Variants in SEC24B observed in about 807,000 individuals in gnomAD.
The protein encoded by SEC24B is protein transport protein Sec24B.
SEC24B carries 45 observed loss-of-function variants against 142.8 expected under a neutral mutation model. The ratio of observed to expected loss-of-function variants is 0.32; its 90% CI spans 0.25 to 0.40. The LOEUF (loss-of-function observed/expected upper bound fraction) is 0.40, where lower values mean the gene tolerates loss of function less well. Ranked by LOEUF, SEC24B falls within the 10% of genes least tolerant of loss-of-function variation. SEC24B has a pLI of 1.00. For synonymous variants in SEC24B, 574 were observed against 568.2 expected (o/e 1.01, Z -0.15); for missense variants, 1,409 against 1,526.8 (o/e 0.92, Z 1.29).
Position 109,463,168 on chromosome 4 carries a change from T to G in SEC24B, c.401T>G (p.Phe134Cys). 1 of 1,614,198 alleles carries G rather than the reference T, an allele frequency of 6.2e-7. No homozygotes were observed. Among genetic ancestry groups the G allele is most frequent in the African/African-American group, 1.3e-5 (1 of 75,050 alleles). The stretch of plus-strand genomic sequence containing the variant: ...ATTGTGGGATCCACTCTAGGATCTT[T>G]CCAAGGTGCTGCATCGTCAGCATCC... Reference protein sequence around the residue: ...PHIVGSTLGSFQGAASSASHL... With the variant: ...PHIVGSTLGSCQGAASSASHL... Residue 134 changes from phenylalanine to cysteine, a missense_variant, in exon 2 of 24, where the codon TTC becomes TGC. By Grantham distance (205) the Phe-to-Cys change is radical. Around this residue, in one of 2 missense-constraint regions of SEC24B, gnomAD observed 709 missense variants for 673.5 expected, o/e 1.05. Transcript: ENST00000265175.
At position 109,489,817 on chromosome 4, in the gene SEC24B, A is replaced by G. The variant is rs112145374; in HGVS notation, c.1166-1510A>G. Among the ~76,000 whole-genome samples, 157 of 151,860 alleles carry G rather than the reference A, an allele frequency of 1.0e-3. 1 individual carries two copies. The highest frequency in any genetic ancestry group is 3.4e-3 in the African/African-American group (141 of 41,506). On this transcript the variant is annotated intron_variant, in intron 4 of 23. Coordinates refer to ENST00000265175, the MANE Select transcript of SEC24B (RefSeq NM_006323.5). ...TAATATCCCATTTTATAGATATACC[A>G]TATTTTGTTTATCCATTCATCTGTT...
At chr4:109,447,218 T>G (rs1729559865) in intron 1 of SEC24B, among the ~76,000 whole-genome samples, 1 of 152,198 alleles carries the variant, frequency 6.6e-6, no homozygotes, top group South Asian at 2.1e-4. Context: ...TGAAAAAAAT[T>G]TAGCATGATA....
chr4:109,464,980 GT>G (rs1478089660), intron 2 of SEC24B, among the ~76,000 whole-genome samples: 2 of 152,096 alleles, frequency 1.3e-5, no homozygotes, highest in Non-Finnish European at 2.9e-5. Context: ...CAGCATGTAG[GT>G]TATAGAAACA....
chr4:109,525,367 CAGGGTGCATCTATTATT>C lies in SEC24B; in HGVS notation c.2656_2672del (p.Gly886SerfsTer30). 6.2e-7 allele frequency: 1 copy of C among 1,603,942 alleles called. No individual in the cohort carries two copies. The highest frequency in any genetic ancestry group is 1.1e-5 in the South Asian group (1 of 88,512). ...AAAGCTTGCATGTCCAAGTATTCTG[CAGGGTGCATCTATTATT>C]ATCCATCATTCCACTATACTCACAA... is the stretch of plus-strand genomic sequence containing the variant. On this transcript the variant is annotated frameshift_variant, in exon 16 of 24. Coordinates refer to ENST00000265175, the MANE Select transcript of SEC24B (RefSeq NM_006323.5). LOFTEE classifies it high-confidence loss of function.
intron 2 of SEC24B, among the ~76,000 whole-genome samples, chr4:109,470,892 A>G (rs969572119): frequency 1.3e-5 from 2 of 152,206 alleles, no homozygotes; most frequent in Non-Finnish European, 2.9e-5. Flanking sequence ...AATAATGTCT[A>G]GAGATACTTA....
At chr4:109,475,306 A>T (rs543750255) in intron 3 of SEC24B, among the ~76,000 whole-genome samples, 16 of 152,310 alleles carry the variant, frequency 1.1e-4, no homozygotes, top group African/African-American at 3.8e-4. Context: ...GCTACCACAT[A>T]TGGTGGTGCG....
chr4:109,460,551 C>A (rs891751984), intron 1 of SEC24B, among the ~76,000 whole-genome samples: 10 of 152,052 alleles, frequency 6.6e-5, no homozygotes, highest in African/African-American at 2.4e-4. Context: ...CAAAGGACAG[C>A]AGATCATTGG....
chr4:109,540,495 G>GT lies in SEC24B; in HGVS notation c.*826dup, dbSNP rs1283876792. 2.0e-5 allele frequency: 3 copies of GT among 152,122 alleles called. No homozygotes were observed. Among genetic ancestry groups the GT allele is most frequent in the South Asian group, 4.1e-4 (2 of 4,822 alleles). The allele number at this position is 152,122 out of a possible 1,614,324, so 9.4% of individuals were successfully genotyped here. ...ATTTTTTGGGGTTTTTGTTTGATTG[G>GT]TTTTTTGTGGGGATTGGTGGGTTTT... is the stretch of plus-strand genomic sequence containing the variant. On this transcript the variant is annotated 3_prime_UTR_variant, in exon 24 of 24. Coordinates refer to ENST00000265175, the MANE Select transcript of SEC24B (RefSeq NM_006323.5).
intron 1 of SEC24B, among the ~76,000 whole-genome samples, chr4:109,456,341 T>TTG (rs1553995210): frequency 1.0e-4 from 15 of 149,764 alleles, no homozygotes; most frequent in African/African-American, 3.7e-4. Context: ...TTTGTTTTTT[T>TTG]TTTTTTTTTT....
chr4:109,498,363 C>T (rs939029516), intron 6 of SEC24B, among the ~76,000 whole-genome samples: 1 of 151,992 alleles, frequency 6.6e-6, no homozygotes, highest in African/African-American at 2.4e-5. Flanking sequence ...TAAAAGAAGC[C>T]TTTTTTTATT....
At chr4:109,490,669 ACT>A (rs1734930900) in intron 4 of SEC24B, among the ~76,000 whole-genome samples, 1 of 152,118 alleles carries the variant, frequency 6.6e-6, no homozygotes, top group Non-Finnish European at 1.5e-5. Flanking sequence ...TTGTCACTGA[ACT>A]CTCATCTTAA....
Position 109,435,884 on chromosome 4 carries a change from G to C in SEC24B, c.133+1882G>C, listed in dbSNP as rs1728366387. On this transcript the variant is annotated intron_variant, in intron 1 of 23. Transcript: ENST00000265175. ...TAGCCTTGAGGGACTCGACAGGTTGGGGTGGGAGGGAAAGGTTGACTCTAG... is the reference window on the plus strand; with the variant it reads ...TAGCCTTGAGGGACTCGACAGGTTGCGGTGGGAGGGAAAGGTTGACTCTAG... Among the ~76,000 whole-genome samples the C allele has an allele frequency of 3.9e-5, 6 of 152,272 alleles. No homozygotes were observed. The South Asian group carries it at 1.2e-3, about 32-fold the overall frequency.
Position 109,444,214 on chromosome 4 carries a change from C to CAA in SEC24B, c.133+10229_133+10230dup, listed in dbSNP as rs539104834. On this transcript the variant is annotated intron_variant, in intron 1 of 23. Coordinates refer to ENST00000265175, the MANE Select transcript of SEC24B (RefSeq NM_006323.5). ...GGGCAACAAGAGCTAAACTCCATCT[C>CAA]AAAAAAAAAAAAAAAAAAGAATAGT... 7.1e-4 allele frequency among the ~76,000 whole-genome samples: 57 copies of CAA among 80,148 alleles called. 2 individuals carry two copies. The highest frequency in any genetic ancestry group is 2.1e-3 in the African/African-American group (56 of 26,674). 52.6% of individuals were successfully genotyped at this position (80,148 alleles called of 152,430 possible).
At chr4:109,443,613 C>G (rs1467374749) in intron 1 of SEC24B, among the ~76,000 whole-genome samples, 1 of 152,156 alleles carries the variant, frequency 6.6e-6, no homozygotes, top group African/African-American at 2.4e-5. Flanking sequence ...GTGCTAGATA[C>G]TCTGGGCATA....
chr4:109,487,165 CAAAAAAA>C (rs372133489), intron 4 of SEC24B, among the ~76,000 whole-genome samples: 4 of 54,204 alleles, frequency 7.4e-5, no homozygotes, highest in Non-Finnish European at 7.9e-5. Flanking sequence ...GACTCTGTCT[CAAAAAAA>C]AAAAAAAAAA....
chr4:109,514,216 T>C (rs913961727), intron 10 of SEC24B, among the ~76,000 whole-genome samples: 1 of 152,202 alleles, frequency 6.6e-6, no homozygotes, highest in African/African-American at 2.4e-5. Context: ...CTTAAGTTTT[T>C]TCACCAAGAT....
intron 2 of SEC24B, among the ~76,000 whole-genome samples, chr4:109,465,456 A>C (rs1731765162): frequency 1.3e-5 from 2 of 152,234 alleles, no homozygotes; most frequent in Non-Finnish European, 1.5e-5. Flanking sequence ...GCCTGTGGTC[A>C]TTAATGGTAG....
chr4:109,528,514 T>G (rs1187331836), intron 18 of SEC24B, among the ~76,000 whole-genome samples: 1 of 151,684 alleles, frequency 6.6e-6, no homozygotes. Context: ...TGGTGACTAA[T>G]TGGGATTGAG....
intron 1 of SEC24B, among the ~76,000 whole-genome samples, chr4:109,453,466 C>T (rs2125914183): frequency 8.1e-6 from 1 of 123,878 alleles, no homozygotes; most frequent in Admixed American, 9.0e-5. Flanking sequence ...CCCCGAATGG[C>T]TGTTAATTAT....
Sources: allele counts gnomAD v4.1 joint callset (sites outside exome capture counted in the v4.1 genomes callset), GRCh38; gene constraint gnomAD v4.1.1; regional missense constraint gnomAD v4.1.1; transcripts MANE v1.5; gene names NCBI Gene and HGNC (gene_info 2026-07-23, HGNC 2026-07-21).